PDE4B: variants seen among roughly 807,000 people sequenced by gnomAD.
The protein encoded by PDE4B is phosphodiesterase 4B, also known as 3',5'-cyclic-AMP phosphodiesterase 4B.
In PDE4B, 20 loss-of-function variants were observed where a neutral mutation model predicts 82.2. That is an observed-to-expected ratio of 0.24 (90% confidence interval 0.17 to 0.35). The LOEUF (loss-of-function observed/expected upper bound fraction) is 0.35. Among genes scored for constraint, PDE4B ranks in the 10% least tolerant of loss-of-function variants. The pLI is 1.00. For missense variants in PDE4B, 655 were observed against 907.2 expected, an observed-to-expected ratio of 0.72 and a Z score of 3.57; for synonymous variants, 320 against 318.9, an observed-to-expected ratio of 1.00 and a Z score of -0.04.
At chr1:66,032,133 A>G (rs537300144) in intron 3 of PDE4B, among the ~76,000 whole-genome samples, 2 of 152,342 alleles carry the variant, frequency 1.3e-5, no homozygotes, top group East Asian at 3.9e-4. Context: ...TTTCCTCCTC[A>G]GTATAAGTGG....
In PDE4B at chr1:66,241,533, G is replaced by T. The variant is rs183150399; in HGVS notation, c.282-5927G>T. On this transcript the variant is annotated intron_variant, in intron 3 of 16. Coordinates refer to ENST00000341517, the MANE Select transcript of PDE4B (RefSeq NM_002600.4). ...TTTTTTTTTCTTTTTGTGAGACTGA[G>T]TCTCACTCTGTTGCTCAGCTGGGAG... 1.6e-4 allele frequency among the ~76,000 whole-genome samples: 24 copies of T among 152,052 alleles called. No individual in the cohort carries two copies. The East Asian group carries it at 4.2e-3, about 27-fold the overall frequency.
At chr1:66,139,735 C>CAAA (rs10654385) in intron 3 of PDE4B, among the ~76,000 whole-genome samples, 3,035 of 99,782 alleles carry the variant, frequency 0.03, 110 homozygotes, top group Admixed American at 0.093. Context: ...CCTCCCCCCT[C>CAAA]AAAAAAAAAA....
chr1:66,205,075 G>T (rs1364614020), intron 3 of PDE4B, among the ~76,000 whole-genome samples: 1 of 152,186 alleles, frequency 6.6e-6, no homozygotes, highest in Non-Finnish European at 1.5e-5. Context: ...CTAAGTTTTA[G>T]AATTTATGGC....
At chr1:65,837,154 CA>C (rs1391556936) in intron 1 of PDE4B, among the ~76,000 whole-genome samples, 1 of 151,122 alleles carries the variant, frequency 6.6e-6, no homozygotes, top group Non-Finnish European at 1.5e-5. Flanking sequence ...TGTATATAAA[CA>C]ACAATTTACA....
At chr1:66,242,231 T>A (rs1439350107) in intron 3 of PDE4B, among the ~76,000 whole-genome samples, 1 of 152,230 alleles carries the variant, frequency 6.6e-6, no homozygotes, top group African/African-American at 2.4e-5. Flanking sequence ...CAAATGAAGC[T>A]TCACATTTTG....
At chr1:66,096,359 A>T (rs1159165071) in intron 3 of PDE4B, among the ~76,000 whole-genome samples, 1 of 151,324 alleles carries the variant, frequency 6.6e-6, no homozygotes, top group Non-Finnish European at 1.5e-5. Flanking sequence ...TAAATGTACA[A>T]TTCTATGAGT....
At chr1:66,297,555 G>C (rs1362604744) in intron 7 of PDE4B, among the ~76,000 whole-genome samples, 1 of 152,100 alleles carries the variant, frequency 6.6e-6, no homozygotes, top group Non-Finnish European at 1.5e-5. Context: ...ATCCTCAAGA[G>C]AGCGGTTTTA....
At chr1:66,057,992 G>A (rs1557530606) in intron 3 of PDE4B, among the ~76,000 whole-genome samples, 1 of 152,158 alleles carries the variant, frequency 6.6e-6, no homozygotes, top group Non-Finnish European at 1.5e-5. Flanking sequence ...TCTGAGACAA[G>A]GCAAGTTCCT....
At chr1:65,805,198 C>T (rs1457473451) in intron 1 of PDE4B, among the ~76,000 whole-genome samples, 1 of 152,144 alleles carries the variant, frequency 6.6e-6, no homozygotes, top group Non-Finnish European at 1.5e-5. Flanking sequence ...CTCCTGAACT[C>T]AGGTGATCTA....
chr1:65,955,790 G>A (rs7539615), intron 3 of PDE4B, among the ~76,000 whole-genome samples: 9,860 of 152,166 alleles, frequency 0.065, 365 homozygotes, highest in Middle Eastern at 0.18. Flanking sequence ...ATAGGGTTAC[G>A]TGCTGTTCTC....
chr1:65,851,848 TG>T (rs1298731235), intron 1 of PDE4B, among the ~76,000 whole-genome samples: 1 of 151,980 alleles, frequency 6.6e-6, no homozygotes, highest in Non-Finnish European at 1.5e-5. Context: ...TATCCGATAT[TG>T]GGGGAAAGCA....
rs573587543 is a variant in PDE4B, at chr1:65,955,751, T to C, written c.281+36916T>C. On this transcript the variant is annotated intron_variant, in intron 3 of 16. Transcript: ENST00000341517. ...AGGTGCCCCAATTCCCTTTTGAACT[T>C]TCTACAGTAACATGCTCTTCAGTCA... Among the ~76,000 whole-genome samples the C allele has an allele frequency of 5.9e-5, 9 of 152,226 alleles. No homozygotes were observed. In the South Asian group the frequency reaches 1.7e-3, roughly 28 times the overall value.
chr1:66,041,109 A>G (rs1570061126), intron 3 of PDE4B, among the ~76,000 whole-genome samples: 1 of 152,006 alleles, frequency 6.6e-6, no homozygotes, highest in South Asian at 2.1e-4. Context: ...AAGGTGTTGT[A>G]TAGAGGTGGA....
intron 3 of PDE4B, among the ~76,000 whole-genome samples, chr1:65,971,292 C>A (rs1286499809): frequency 6.6e-6 from 1 of 151,982 alleles, no homozygotes; most frequent in Non-Finnish European, 1.5e-5. Context: ...GAAAATGACA[C>A]CTGGTCCTTT....
chr1:66,229,774 C>G (rs1651798840), intron 3 of PDE4B, among the ~76,000 whole-genome samples: 1 of 152,022 alleles, frequency 6.6e-6, no homozygotes, highest in Non-Finnish European at 1.5e-5. Flanking sequence ...CAGAGCTGAA[C>G]TTCTAAATCT....
At chr1:66,162,839 G>A (rs1646644858) in intron 3 of PDE4B, among the ~76,000 whole-genome samples, 1 of 152,092 alleles carries the variant, frequency 6.6e-6, no homozygotes, top group Non-Finnish European at 1.5e-5. Flanking sequence ...GATAAACTGA[G>A]GAGTGAGTTA....
chr1:66,181,695 T>C (rs1413291809), intron 3 of PDE4B, among the ~76,000 whole-genome samples: 4 of 152,184 alleles, frequency 2.6e-5, no homozygotes, highest in South Asian at 2.1e-4. Context: ...TACTCCACTT[T>C]GTAGTTATTT....
intron 1 of PDE4B, among the ~76,000 whole-genome samples, chr1:65,823,917 C>G (rs1451444924): frequency 6.6e-6 from 1 of 152,212 alleles, no homozygotes; most frequent in African/African-American, 2.4e-5. Context: ...AAGCAATCAT[C>G]CATTCTCTGT....
chr1:66,221,362 A>G lies in PDE4B; in HGVS notation c.282-26098A>G, dbSNP rs569248454. ...CCCCCTGATTATTTATTATGTCAGC[A>G]GACTTTATGTAATAGGAAAGACAAT... On this transcript the variant is annotated intron_variant, in intron 3 of 16. Transcript: ENST00000341517. 4.6e-5 allele frequency among the ~76,000 whole-genome samples: 7 copies of G among 152,282 alleles called. No homozygotes were observed. The South Asian group carries it at 8.3e-4, about 18-fold the overall frequency.
Sources: gnomAD v4.1 joint callset for allele counts (sites outside exome capture counted in the v4.1 genomes callset) on GRCh38, gnomAD v4.1.1 for gene constraint, MANE v1.5 for transcripts, NCBI Gene and HGNC (gene_info 2026-07-23, HGNC 2026-07-21) for gene names.